Variants in PCCA observed in about 807,000 individuals in gnomAD.
PCCA encodes the protein propionyl-CoA carboxylase alpha chain, mitochondrial.
In PCCA, 74 loss-of-function variants were observed where a neutral mutation model predicts 101.3. The observed-to-expected ratio is 0.73, with a 90% CI of 0.61 to 0.89. The LOEUF (loss-of-function observed/expected upper bound fraction) is 0.89, where lower values mean the gene tolerates loss of function less well. PCCA is among the 40% of genes least tolerant of loss of function. The pLI, the probability that PCCA is intolerant of heterozygous loss-of-function variation, is 0.00. For missense variants in PCCA, 891 were observed against 907.0 expected, an observed-to-expected ratio of 0.98 and a Z score of 0.23; for synonymous variants, 294 against 313.6, an observed-to-expected ratio of 0.94 and a Z score of 0.66.
chr13:100,229,076 A>AT (rs555603818), intron 7 of PCCA, among the ~76,000 whole-genome samples: 5,911 of 147,156 alleles, frequency 0.04, 216 homozygotes, highest in African/African-American at 0.092. Flanking sequence ...GTAGAATTTG[A>AT]TTTTTTTTTT....
intron 16 of PCCA, among the ~76,000 whole-genome samples, chr13:100,314,572 A>T (rs1411982662): frequency 6.6e-6 from 1 of 152,202 alleles, no homozygotes; most frequent in African/African-American, 2.4e-5. Flanking sequence ...AAACTCAGGT[A>T]TGATTGAAAG....
chr13:100,414,399 A>C lies in PCCA; in HGVS notation c.1747-11234A>C, dbSNP rs530001661. The stretch of plus-strand genomic sequence containing the variant: ...TGAAATAATATTTTAGTAAATAGGA[A>C]AGCAGGGTAAAGAAAGCCTCCCCTT... On this transcript the variant is annotated intron_variant, in intron 19 of 23. Transcript: ENST00000376285. Among the ~76,000 whole-genome samples, 6 of 152,332 alleles carry C rather than the reference A, an allele frequency of 3.9e-5. No homozygotes were observed. In the South Asian group the frequency reaches 1.2e-3, roughly 32 times the overall value.
intron 6 of PCCA, among the ~76,000 whole-genome samples, chr13:100,161,977 A>C (rs572326103): frequency 1.3e-5 from 2 of 152,296 alleles, no homozygotes; most frequent in East Asian, 3.9e-4. Context: ...ACATGAAAAC[A>C]TTGAAAATTA....
chr13:100,280,304 CT>C (rs11439835), intron 12 of PCCA, among the ~76,000 whole-genome samples: 1 of 148,140 alleles, frequency 6.8e-6, no homozygotes. Flanking sequence ...ACAACACAAG[CT>C]TTTTTTTTTG....
At chr13:100,430,074 G>T (rs926237616) in intron 20 of PCCA, among the ~76,000 whole-genome samples, 1 of 151,460 alleles carries the variant, frequency 6.6e-6, no homozygotes, top group South Asian at 2.1e-4. Context: ...TTCGGAGTTC[G>T]AGACCAGCCT....
At chr13:100,432,817 A>AT (rs2079650536) in intron 20 of PCCA, among the ~76,000 whole-genome samples, 1 of 152,240 alleles carries the variant, frequency 6.6e-6, no homozygotes, top group Non-Finnish European at 1.5e-5. Context: ...GTTTCCATGC[A>AT]TAGAAACCAC....
chr13:100,309,854 A>G lies in PCCA; in HGVS notation c.1375A>G (p.Arg459Gly). ...ISKLITYGSDRTEALKRMADA... is the reference protein window; with the variant it reads ...ISKLITYGSDGTEALKRMADA... ...TTAGCTAATCACATATGGCTCTGAT[A>G]GAACTGAGGCACTGAAGAGAATGGC... is the stretch of plus-strand genomic sequence containing the variant. Residue 459 changes from arginine to glycine, a missense_variant, in exon 16 of 24, where the codon AGA becomes GGA. Physicochemically the swap from Arg to Gly is moderately radical, Grantham distance 125 (BLOSUM62 -2). Coordinates refer to ENST00000376285, the MANE Select transcript of PCCA (RefSeq NM_000282.4). 2 of 1,613,110 alleles carry G rather than the reference A, an allele frequency of 1.2e-6. No homozygotes were observed. The highest frequency in any genetic ancestry group is 1.7e-6 in the Non-Finnish European group (2 of 1,179,144).
chr13:100,394,226 C>T lies in PCCA; in HGVS notation c.1746+25652C>T, dbSNP rs1048132526. On this transcript the variant is annotated intron_variant, in intron 19 of 23. Coordinates refer to ENST00000376285, the MANE Select transcript of PCCA (RefSeq NM_000282.4). This position sits in a 1 kb window ranked among gnomAD's most constrained non-coding sequence, Gnocchi z 4.3. The stretch of plus-strand genomic sequence containing the variant: ...CAACTGAATTCTCATTTCATTCATC[C>T]ATAACTAGAAACACCTCGCTTCAAA... 6.6e-6 allele frequency among the ~76,000 whole-genome samples: 1 copy of T among 152,188 alleles called. No individual in the cohort carries two copies. The highest frequency in any genetic ancestry group is 2.4e-5 in the African/African-American group (1 of 41,436).
intron 6 of PCCA, 25 bp downstream of exon 6, chr13:100,157,365 T>C (rs778676574): frequency 2.6e-6 from 4 of 1,527,186 alleles, no homozygotes; most frequent in Admixed American, 1.7e-5. Context: ...AACCAGAAAC[T>C]GTTCATTTCT....
intron 6 of PCCA, among the ~76,000 whole-genome samples, chr13:100,196,909 A>T (rs1346097333): frequency 6.6e-6 from 1 of 152,214 alleles, no homozygotes; most frequent in Non-Finnish European, 1.5e-5. Context: ...GAGTTAAAGA[A>T]AATGACTCCT....
chr13:100,315,724 C>T (rs538338164), intron 16 of PCCA, among the ~76,000 whole-genome samples: 7 of 152,260 alleles, frequency 4.6e-5, no homozygotes, highest in South Asian at 2.1e-4. Flanking sequence ...CTCCTAGGGG[C>T]CTCTTCTCTG....
chr13:100,295,548 CA>C (rs2065461727), intron 12 of PCCA, among the ~76,000 whole-genome samples: 1 of 152,154 alleles, frequency 6.6e-6, no homozygotes, highest in Non-Finnish European at 1.5e-5. Context: ...ATTCTCTCAC[CA>C]CACCATATCT....
chr13:100,177,695 T>C (rs1159618174), intron 6 of PCCA, among the ~76,000 whole-genome samples: 1 of 152,084 alleles, frequency 6.6e-6, no homozygotes, highest in African/African-American at 2.4e-5. Context: ...CATTTTAAGA[T>C]GTAAAACATA....
intron 21 of PCCA, among the ~76,000 whole-genome samples, chr13:100,495,315 A>G (rs76850087): frequency 0.011 from 1,669 of 152,238 alleles, 31 homozygotes; most frequent in African/African-American, 0.038. Context: ...CGTAGCCCCT[A>G]TAGCTAGTCT....
At chr13:100,122,758 A>G (rs1015249293) in intron 4 of PCCA, among the ~76,000 whole-genome samples, 3 of 152,144 alleles carry the variant, frequency 2.0e-5, no homozygotes, top group African/African-American at 7.2e-5. Flanking sequence ...GGTGGCTTAT[A>G]AACAACAGGA....
chr13:100,096,377 T>C lies in PCCA; in HGVS notation c.106-6506T>C, dbSNP rs78995427. ...CACGCCCATATAAGTTGGAGAAACATAATTGATAAATGTGTGAGTTTTGAC... is the reference window on the plus strand; with the variant it reads ...CACGCCCATATAAGTTGGAGAAACACAATTGATAAATGTGTGAGTTTTGAC... On this transcript the variant is annotated intron_variant, in intron 1 of 23. Coordinates refer to ENST00000376285, the MANE Select transcript of PCCA (RefSeq NM_000282.4). Among the ~76,000 whole-genome samples, 1,306 of 152,320 alleles carry C rather than the reference T, an allele frequency of 8.6e-3. 14 individuals carry two copies. The highest frequency in any genetic ancestry group is 0.03 in the African/African-American group (1,235 of 41,554).
At chr13:100,163,761 G>A (rs1210429299) in intron 6 of PCCA, among the ~76,000 whole-genome samples, 1 of 152,116 alleles carries the variant, frequency 6.6e-6, no homozygotes, top group South Asian at 2.1e-4. Flanking sequence ...TTGGATTTAT[G>A]TCTAGCATTT....
chr13:100,322,180 C>G (rs557275857), intron 16 of PCCA, among the ~76,000 whole-genome samples: 8 of 152,284 alleles, frequency 5.3e-5, no homozygotes, highest in Admixed American at 1.3e-4. Flanking sequence ...TGTGCCACTC[C>G]GTTTGAATTG....
chr13:100,185,877 C>T (rs1245517773), intron 6 of PCCA, among the ~76,000 whole-genome samples: 1 of 151,976 alleles, frequency 6.6e-6, no homozygotes, highest in Non-Finnish European at 1.5e-5. Context: ...GAACTCCCGA[C>T]CTCAGGCGAT....
Sources: gnomAD v4.1 joint callset for allele counts (sites outside exome capture counted in the v4.1 genomes callset) on GRCh38, gnomAD v4.1.1 for gene constraint, Gnocchi (gnomAD v3.1) non-coding constraint, MANE v1.5 for transcripts, NCBI Gene and HGNC (gene_info 2026-07-23, HGNC 2026-07-21) for gene names.